Variants in CFAP69 observed in about 807,000 individuals in gnomAD.
CFAP69 encodes cilia- and flagella-associated protein 69.
In CFAP69, 92 loss-of-function variants were observed where a neutral mutation model predicts 123.0. The observed-to-expected ratio is 0.75, with a 90% confidence interval of 0.63 to 0.89. The LOEUF (loss-of-function observed/expected upper bound fraction) is 0.89, where lower values mean the gene tolerates loss of function less well. Ranked by LOEUF, CFAP69 falls within the 40% of genes least tolerant of loss-of-function variation. CFAP69 has a pLI of 0.00. For synonymous variants in CFAP69, 380 were observed against 364.3 expected (o/e 1.04, Z -0.49); for missense variants, 1,067 against 1,096.9 (o/e 0.97, Z 0.39).
intron 5 of CFAP69, among the ~76,000 whole-genome samples, chr7:90,267,401 A>G (rs1799299161): frequency 6.6e-6 from 1 of 152,134 alleles, no homozygotes; most frequent in Non-Finnish European, 1.5e-5. Context: ...TCTAAGGTCG[A>G]TATTACTGAC....
chr7:90,274,359 C>T (rs750434806), intron 9 of CFAP69, among the ~76,000 whole-genome samples: 4 of 152,102 alleles, frequency 2.6e-5, no homozygotes, highest in Non-Finnish European at 4.4e-5. Flanking sequence ...TTCTTTCCTT[C>T]CTGATGATTT....
chr7:90,316,433 C>G, the CFAP69 span: 1 of 152,116 alleles, frequency 6.6e-6, no homozygotes, highest in Non-Finnish European at 1.5e-5. Context: ...TTCATTTTGA[C>G]CACCTTCTTT....
rs11340254 is a variant in CFAP69 at position 90,305,943 on chromosome 7, CTTT to C, written c.2266-943_2266-941del. Among the ~76,000 whole-genome samples, 8 of 129,590 alleles carry C rather than the reference CTTT, an allele frequency of 6.2e-5. No individual in the cohort carries two copies. In the East Asian group the frequency reaches 7.6e-4, roughly 12 times the overall value. 85.0% of individuals were successfully genotyped at this position (129,590 alleles called of 152,430 possible). On this transcript the variant is annotated intron_variant, in intron 19 of 22. Coordinates refer to ENST00000389297, the MANE Select transcript of CFAP69 (RefSeq NM_001039706.3). ...AAACCTCTATTTTCTTTCTTTCCTT[CTTT>C]TTTTTTTTTTTTTTGAGGCAGAGTC...
chr7:90,249,715 T>C (rs1562831630), intron 1 of CFAP69, among the ~76,000 whole-genome samples: 1 of 152,174 alleles, frequency 6.6e-6, no homozygotes, highest in South Asian at 2.1e-4. Flanking sequence ...AATTTTAATG[T>C]GCATATGGAG....
intron 11 of CFAP69, among the ~76,000 whole-genome samples, chr7:90,279,362 C>T (rs902263703): frequency 1.3e-5 from 2 of 151,972 alleles, no homozygotes; most frequent in South Asian, 2.1e-4. Context: ...TTTTATTATA[C>T]GTTTTATTAT....
intron 19 of CFAP69, among the ~76,000 whole-genome samples, chr7:90,305,196 C>G (rs1420841967): frequency 6.6e-6 from 1 of 151,708 alleles, no homozygotes; most frequent in Non-Finnish European, 1.5e-5. Context: ...CAAAAATTAG[C>G]TGGATGTGGT....
chr7:90,254,852 C>T (rs1450741575), intron 1 of CFAP69, among the ~76,000 whole-genome samples: 2 of 151,984 alleles, frequency 1.3e-5, no homozygotes, highest in African/African-American at 2.4e-5. Context: ...AGAGTGGAGT[C>T]GACGAGAACA....
intron 17 of CFAP69, chr7:90,300,636 ATTTTTTTCTTT>A (rs143152578): frequency 0.47 from 134,225 of 284,300 alleles, 32,542 homozygotes; most frequent in Non-Finnish European, 0.5. Flanking sequence ...GCTATATTAC[ATTTTTTTCTTT>A]TTTTTTTCTT....
intron 20 of CFAP69, 141 bp from the exon 21 acceptor site, chr7:90,307,627 C>T: frequency 1.9e-6 from 1 of 525,466 alleles, no homozygotes; most frequent in South Asian, 2.9e-5. Context: ...AATTTTATTT[C>T]TACAGTCTTA....
At chr7:90,309,143 G>A (rs534362679) in intron 21 of CFAP69, 120 bp from the exon 22 acceptor site, 22 of 487,402 alleles carry the variant, frequency 4.5e-5, no homozygotes, top group East Asian at 2.0e-4. Context: ...AGATTTCAGC[G>A]CTATCTAATA....
At chr7:90,284,336 A>G (rs1186242226) in intron 13 of CFAP69, among the ~76,000 whole-genome samples, 1 of 152,190 alleles carries the variant, frequency 6.6e-6, no homozygotes, top group Non-Finnish European at 1.5e-5. Context: ...TACAGTGTAC[A>G]CTGCTTGGTG....
At chr7:90,321,766 C>G in the CFAP69 span, among the ~76,000 whole-genome samples, 1 of 152,198 alleles carries the variant, frequency 6.6e-6, no homozygotes, top group Non-Finnish European at 1.5e-5. Context: ...CACGCGCAAA[C>G]ATACCCTTGC....
In CFAP69 at chr7:90,255,405, G is replaced by T. The variant is rs1464493538; in HGVS notation, c.121-18G>T. 9 of 1,599,316 alleles carry T rather than the reference G, an allele frequency of 5.6e-6. No individual in the cohort carries two copies. In the East Asian group the frequency reaches 9.0e-5, roughly 16 times the overall value. ...TATAGAAGATGATCTAGAATAGTAA[G>T]AGTTGTATGTTTTTTAGGATGTTTT... On this transcript the variant is annotated intron_variant, in intron 1 of 22. Coordinates refer to ENST00000389297, the MANE Select transcript of CFAP69 (RefSeq NM_001039706.3).
the CFAP69 span, chr7:90,320,388 A>G: frequency 6.6e-6 from 1 of 152,242 alleles, no homozygotes; most frequent in Non-Finnish European, 1.5e-5. Context: ...ACGTAGACAT[A>G]CATGAAGTGG....
chr7:90,297,717 T>A, intron 15 of CFAP69, 32 bp from the exon 16 acceptor site: 1 of 1,340,084 alleles, frequency 7.5e-7, no homozygotes, highest in Non-Finnish European at 1.0e-6. Flanking sequence ...CAATAAATGT[T>A]TGTCAAATGA....
chr7:90,296,752 C>T (rs968308093), intron 15 of CFAP69, among the ~76,000 whole-genome samples: 1 of 152,020 alleles, frequency 6.6e-6, no homozygotes, highest in African/African-American at 2.4e-5. Flanking sequence ...TGGTTTGATT[C>T]GGAAAGGAAA....
At chr7:90,251,951 G>A (rs1797062178) in intron 1 of CFAP69, 1 of 152,056 alleles carries the variant, frequency 6.6e-6, no homozygotes, top group Non-Finnish European at 1.5e-5. Flanking sequence ...GCTCTTTACA[G>A]CTAATTGATT....
At chr7:90,320,094 G>A in the CFAP69 span, among the ~76,000 whole-genome samples, 1 of 152,114 alleles carries the variant, frequency 6.6e-6, no homozygotes, top group East Asian at 1.9e-4. Flanking sequence ...ATACGGTTCC[G>A]CAAGTCTTCA....
At chr7:90,271,080 C>A (rs1799882155) in intron 6 of CFAP69, among the ~76,000 whole-genome samples, 1 of 151,636 alleles carries the variant, frequency 6.6e-6, no homozygotes, top group South Asian at 2.1e-4. Context: ...AAATCATTTT[C>A]CATTATTGAA....
Sources: allele counts gnomAD v4.1 joint callset (sites outside exome capture counted in the v4.1 genomes callset), GRCh38; gene constraint gnomAD v4.1.1; transcripts MANE v1.5; gene names NCBI Gene and HGNC (gene_info 2026-07-23, HGNC 2026-07-21).